STPG2: variants seen among roughly 807,000 people sequenced by gnomAD.
STPG2 encodes sperm-tail PG-rich repeat-containing protein 2.
In STPG2, 56 loss-of-function variants were observed where a neutral mutation model predicts 54.2. The observed-to-expected ratio is 1.03, with a 90% CI of 0.83 to 1.29. The LOEUF is 1.29. Among genes scored for constraint, STPG2 ranks in the 50% most tolerant of loss-of-function variants. The pLI is 0.00. For missense variants in STPG2, 596 were observed against 544.9 expected (o/e 1.09, Z -0.93); for synonymous variants, 200 against 181.8 (o/e 1.10, Z -0.81).
intron 5 of STPG2, among the ~76,000 whole-genome samples, chr4:98,012,300 T>C (rs1735782997): frequency 6.6e-6 from 1 of 152,182 alleles, no homozygotes; most frequent in Non-Finnish European, 1.5e-5. Context: ...TTCTGTTCCA[T>C]TAGTCTATAT....
At chr4:97,502,128 CAG>C (rs1221291209) in intron 4 of STPG2, among the ~76,000 whole-genome samples, 1 of 151,538 alleles carries the variant, frequency 6.6e-6, no homozygotes, top group Non-Finnish European at 1.5e-5. Context: ...TTATTAGAAA[CAG>C]GAGTGAAATA....
Position 97,496,986 on chromosome 4 carries a change from CTT to C in STPG2, c.462+215711_462+215712del, listed in dbSNP as rs370800861. On this transcript the variant is annotated intron_variant, in intron 4 of 4. Transcript: ENST00000522676. Reference sequence around the variant, plus strand: ...TTTTCCTGGTTAGTTCCATCTTTTCCTTTTTTTTTTTTTTTAAAAAAAGCAGA... The same window carrying C: ...TTTTCCTGGTTAGTTCCATCTTTTCCTTTTTTTTTTTTTAAAAAAAGCAGA... Among the ~76,000 whole-genome samples the C allele has an allele frequency of 5.2e-3, 703 of 135,938 alleles. 4 individuals carry two copies. The highest frequency in any genetic ancestry group is 0.032 in the South Asian group (139 of 4,294). The allele number at this position is 135,938 out of a possible 152,430, so 89.2% of individuals were successfully genotyped here. A position where few individuals can be genotyped will look rare whatever the true frequency, so the allele number is the denominator to read the frequency against.
intron 10 of STPG2, among the ~76,000 whole-genome samples, chr4:97,560,861 A>G (rs1487606154): frequency 6.6e-6 from 1 of 152,160 alleles, no homozygotes; most frequent in Non-Finnish European, 1.5e-5. Flanking sequence ...CTATAAGGAA[A>G]TGTGTTTGAC....
intron 8 of STPG2, among the ~76,000 whole-genome samples, chr4:97,870,332 G>T (rs534207717): frequency 1.3e-5 from 2 of 151,374 alleles, no homozygotes; most frequent in South Asian, 4.2e-4. Context: ...AAATAAATGT[G>T]AATAAACTTA....
At chr4:97,883,174 C>T (rs1730440890) in intron 8 of STPG2, among the ~76,000 whole-genome samples, 1 of 150,886 alleles carries the variant, frequency 6.6e-6, no homozygotes, top group African/African-American at 2.4e-5. Flanking sequence ...TATATATACA[C>T]ATATATACAT....
chr4:98,129,661 A>C (rs1334728140), intron 2 of STPG2, among the ~76,000 whole-genome samples: 1 of 152,168 alleles, frequency 6.6e-6, no homozygotes, highest in Non-Finnish European at 1.5e-5. Context: ...TGAAGGTGTA[A>C]TATATATTAC....
At chr4:97,563,825 C>G (rs576849004) in intron 10 of STPG2, among the ~76,000 whole-genome samples, 45 of 152,068 alleles carry the variant, frequency 3.0e-4, no homozygotes, top group Non-Finnish European at 6.6e-4. Context: ...AATTTCTGAT[C>G]TTTTACATTT....
chr4:97,558,988 T>C lies in STPG2; in HGVS notation c.*70A>G. On this transcript the variant is annotated 3_prime_UTR_variant, in exon 11 of 11. Transcript: ENST00000295268. The stretch of plus-strand genomic sequence containing the variant: ...ATTACTCCTATATTTGGAATAAATT[T>C]TGTTAAAATGACAAAGAAATAAACT... 1 of 1,281,652 alleles carries C rather than the reference T, an allele frequency of 7.8e-7. No individual in the cohort carries two copies. Among genetic ancestry groups the C allele is most frequent in the Non-Finnish European group, 1.1e-6 (1 of 899,794 alleles). 79.4% of individuals were successfully genotyped at this position (1,281,652 alleles called of 1,614,324 possible).
intron 4 of STPG2, among the ~76,000 whole-genome samples, chr4:97,444,634 G>A (rs1729172823): frequency 6.6e-6 from 1 of 152,120 alleles, no homozygotes; most frequent in Non-Finnish European, 1.5e-5. Context: ...ATTCAAAGGA[G>A]TTCATTAGAC....
At chr4:98,035,343 G>A (rs4472144) in intron 5 of STPG2, among the ~76,000 whole-genome samples, 59,343 of 151,914 alleles carry the variant, frequency 0.39, 11,803 homozygotes, top group Middle Eastern at 0.46. Context: ...CAAACATAGG[G>A]AAAAAAAGCT....
intron 9 of STPG2, among the ~76,000 whole-genome samples, chr4:97,778,511 G>A (rs1388831069): frequency 1.3e-5 from 2 of 152,168 alleles, no homozygotes; most frequent in African/African-American, 4.8e-5. Context: ...TACGGGCAGG[G>A]CATAGCTGAA....
chr4:97,994,912 A>T (rs1489908557), intron 5 of STPG2, among the ~76,000 whole-genome samples: 1 of 152,044 alleles, frequency 6.6e-6, no homozygotes, highest in African/African-American at 2.4e-5. Context: ...GTAGAGAAAG[A>T]TCATCAGGTT....
intron 8 of STPG2, among the ~76,000 whole-genome samples, chr4:97,905,904 A>G (rs1731395621): frequency 1.3e-5 from 2 of 152,208 alleles, no homozygotes; most frequent in East Asian, 3.8e-4. Context: ...AATGCCCACA[A>G]GAGAAAGCAG....
intron 5 of STPG2, among the ~76,000 whole-genome samples, chr4:98,016,859 T>C (rs1317907238): frequency 6.6e-6 from 1 of 152,184 alleles, no homozygotes; most frequent in Non-Finnish European, 1.5e-5. Flanking sequence ...TGTCTGTGCA[T>C]TTGAAGGAAC....
chr4:97,749,393 T>C (rs997030551), intron 9 of STPG2, among the ~76,000 whole-genome samples: 1 of 151,748 alleles, frequency 6.6e-6, no homozygotes, highest in Non-Finnish European at 1.5e-5. Context: ...ATTCTGTATA[T>C]TTGGCTATCT....
At chr4:97,981,061 C>G (rs567995463) in intron 6 of STPG2, 98 bp downstream of exon 6, 364 of 1,335,442 alleles carry the variant, frequency 2.7e-4, no homozygotes, top group Non-Finnish European at 3.2e-4. Flanking sequence ...AACCATAGGA[C>G]AAAAAAGAAA....
intron 9 of STPG2, among the ~76,000 whole-genome samples, chr4:97,738,784 T>C (rs1281972283): frequency 6.6e-6 from 1 of 152,090 alleles, no homozygotes; most frequent in Non-Finnish European, 1.5e-5. Flanking sequence ...CACCCCACTG[T>C]CAACATTAGA....
At chr4:97,787,056 T>C (rs1015917240) in intron 9 of STPG2, among the ~76,000 whole-genome samples, 2 of 152,132 alleles carry the variant, frequency 1.3e-5, no homozygotes, top group African/African-American at 2.4e-5. Flanking sequence ...GATGTTTTAT[T>C]TGACCTTTCA....
At chr4:97,516,778 A>C (rs1731084588) in intron 4 of STPG2, among the ~76,000 whole-genome samples, 1 of 151,902 alleles carries the variant, frequency 6.6e-6, no homozygotes, top group Admixed American at 6.6e-5. Context: ...CAGTGAGCCA[A>C]GATTGTGCCA....
Sources: allele counts gnomAD v4.1 joint callset (sites outside exome capture counted in the v4.1 genomes callset), GRCh38; gene constraint gnomAD v4.1.1; transcripts MANE v1.5; gene names NCBI Gene and HGNC (gene_info 2026-07-23, HGNC 2026-07-21).